Variants in PIEZO2 observed in about 807,000 individuals in gnomAD.
The protein encoded by PIEZO2 is piezo-type mechanosensitive ion channel component 2.
In PIEZO2, 172 loss-of-function variants were observed where a neutral mutation model predicts 337.3. That is an observed-to-expected ratio of 0.51 (90% CI 0.45 to 0.58). The LOEUF (loss-of-function observed/expected upper bound fraction) is 0.58. PIEZO2 is among the 20% of genes least tolerant of loss of function. PIEZO2 has a pLI of 0.00. For missense variants in PIEZO2, 3,028 were observed against 3,391.3 expected, an observed-to-expected ratio of 0.89 and a Z score of 2.66; for synonymous variants, 1,251 against 1,228.5, an observed-to-expected ratio of 1.02 and a Z score of -0.38.
chr18:11,124,541 T>C (rs1205121036), intron 1 of PIEZO2, among the ~76,000 whole-genome samples: 1 of 152,190 alleles, frequency 6.6e-6, no homozygotes, highest in Non-Finnish European at 1.5e-5. Context: ...CCTTTGCAGT[T>C]AAAGCTAAGG....
chr18:11,074,653 C>A (rs2145953357), intron 1 of PIEZO2, among the ~76,000 whole-genome samples: 1 of 152,242 alleles, frequency 6.6e-6, no homozygotes, highest in African/African-American at 2.4e-5. Context: ...TTGGAAAAAA[C>A]TCAAGAAGTA....
rs2039421749 is a variant in PIEZO2 at position 11,101,621 on chromosome 18, C to T, written c.65-35399G>A. Among the ~76,000 whole-genome samples, 1 of 152,222 alleles carries T rather than the reference C, an allele frequency of 6.6e-6. No homozygotes were observed. Among genetic ancestry groups the T allele is most frequent in the South Asian group, 2.1e-4 (1 of 4,830 alleles). On this transcript the variant is annotated intron_variant, in intron 1 of 55. Transcript: ENST00000674853. This position sits in a 1 kb window ranked among gnomAD's most constrained non-coding sequence, Gnocchi z 4.4. The stretch of plus-strand genomic sequence containing the variant: ...GAAAACATGACATTTTCCCCCATGA[C>T]ATTCTATTTCTCAAACCTGTCAATT...
rs1467851881 is a variant in PIEZO2 at position 11,110,918 on chromosome 18, G to C, written c.64+37607C>G. Among the ~76,000 whole-genome samples, 1 of 152,190 alleles carries C rather than the reference G, an allele frequency of 6.6e-6. No individual in the cohort carries two copies. Among genetic ancestry groups the C allele is most frequent in the African/African-American group, 2.4e-5 (1 of 41,448 alleles). On this transcript the variant is annotated intron_variant, in intron 1 of 55. Transcript: ENST00000674853. The surrounding 1 kb of genome is among the most constrained non-coding windows in gnomAD (Gnocchi z 4.2). ...CTGCTCCACACACGAGGTGAGGCCA[G>C]GATGCTGTGCCCCGCAAGCTCCCCT... is the stretch of plus-strand genomic sequence containing the variant.
At chr18:10,754,922 C>T (rs4797481) in intron 27 of PIEZO2, among the ~76,000 whole-genome samples, 94,309 of 151,788 alleles carry the variant, frequency 0.62, 31,238 homozygotes, top group African/African-American at 0.86. Context: ...ATCTCTACAA[C>T]AGGGATAACC....
chr18:11,045,886 G>A (rs372287776), intron 2 of PIEZO2, among the ~76,000 whole-genome samples: 5 of 152,246 alleles, frequency 3.3e-5, no homozygotes, highest in East Asian at 3.9e-4. Context: ...TTTGCTTGCC[G>A]TTGTATGAAT....
In PIEZO2 at chr18:10,731,116, A is replaced by T. The variant is rs35914186; in HGVS notation, c.5029+291T>A. 0.82 allele frequency among the ~76,000 whole-genome samples: 120,421 copies of T among 146,152 alleles called. 49,899 individuals carry two copies. Among genetic ancestry groups the T allele is most frequent in the East Asian group, 0.9 (4,559 of 5,046 alleles). On this transcript the variant is annotated intron_variant, in intron 36 of 55. Transcript: ENST00000674853. ...ATTACTTAATATCCATGTAAGAAATAAGTTTTCTTCTACTTTTTTTGGGTT... is the reference window on the plus strand; with the variant it reads ...ATTACTTAATATCCATGTAAGAAATTAGTTTTCTTCTACTTTTTTTGGGTT...
intron 2 of PIEZO2, among the ~76,000 whole-genome samples, chr18:11,043,233 C>A (rs1420570160): frequency 8.5e-6 from 1 of 118,106 alleles, no homozygotes; most frequent in African/African-American, 3.4e-5. Context: ...AATATCTCCT[C>A]CCTTTAAACG....
intron 21 of PIEZO2, chr18:10,763,316 T>C: frequency 3.5e-6 from 2 of 566,302 alleles, no homozygotes; most frequent in Middle Eastern, 9.5e-4. Context: ...GACAGACATA[T>C]CATCAGGTGA....
At position 10,795,314 on chromosome 18, in the gene PIEZO2, ATATT is replaced by A. The variant is rs551695415; in HGVS notation, c.1528-316_1528-313del. On this transcript the variant is annotated intron_variant, in intron 12 of 55. Coordinates refer to ENST00000674853, the MANE Select transcript of PIEZO2 (RefSeq NM_001378183.1). This position sits in a 1 kb window ranked among gnomAD's most constrained non-coding sequence, Gnocchi z 4.4. ...GTTAAGTAGCAAAATGTGTATTCAAATATTTTATTTTATTTTATTTTATTTTATT... is the reference window on the plus strand; with the variant it reads ...GTTAAGTAGCAAAATGTGTATTCAAATTATTTTATTTTATTTTATTTTATT... 0.43 allele frequency among the ~76,000 whole-genome samples: 38,007 copies of A among 88,438 alleles called. 5,993 individuals carry two copies. The highest frequency in any genetic ancestry group is 0.51 in the East Asian group (1,708 of 3,320). 58.0% of individuals were successfully genotyped at this position (88,438 alleles called of 152,430 possible).
intron 2 of PIEZO2, among the ~76,000 whole-genome samples, chr18:11,018,326 A>G (rs1280841940): frequency 6.7e-6 from 1 of 148,662 alleles, no homozygotes; most frequent in Non-Finnish European, 1.5e-5. Context: ...TGCAAAGACC[A>G]TATTTCCAAA....
chr18:10,671,838 A>G (rs1387931589), intron 55 of PIEZO2, 59 bp from the exon 56 acceptor site: 1 of 1,411,866 alleles, frequency 7.1e-7, no homozygotes, highest in African/African-American at 1.5e-5. Context: ...AATAAAGAAA[A>G]GCATGTCTAA....
chr18:10,683,146 C>A (rs926460961), intron 49 of PIEZO2, among the ~76,000 whole-genome samples: 1 of 152,254 alleles, frequency 6.6e-6, no homozygotes, highest in Non-Finnish European at 1.5e-5. Flanking sequence ...CCCCACTCCC[C>A]GACTTGGCAA....
chr18:10,685,985 C>A (rs1403406778), intron 49 of PIEZO2, among the ~76,000 whole-genome samples: 2 of 152,176 alleles, frequency 1.3e-5, no homozygotes, highest in Admixed American at 1.3e-4. Context: ...AATCTCCAGA[C>A]CCCCATCAGA....
At chr18:10,708,232 A>C (rs2035667927) in intron 40 of PIEZO2, 43 bp downstream of exon 40, 1 of 152,326 alleles carries the variant, frequency 6.6e-6, no homozygotes, top group Admixed American at 6.6e-5. Context: ...GGGGGGGAAG[A>C]GGTGATTAAA....
At chr18:10,990,751 T>A (rs920355520) in intron 2 of PIEZO2, among the ~76,000 whole-genome samples, 60 of 150,986 alleles carry the variant, frequency 4.0e-4, no homozygotes, top group African/African-American at 1.4e-3. Context: ...TACATTATTT[T>A]TTTTTCTAAT....
At chr18:10,961,620 T>C (rs2033785128) in intron 3 of PIEZO2, among the ~76,000 whole-genome samples, 1 of 152,178 alleles carries the variant, frequency 6.6e-6, no homozygotes. Flanking sequence ...AAGAGTCAGC[T>C]TGTATAGAAT....
At chr18:11,117,210 C>T (rs911089610) in intron 1 of PIEZO2, among the ~76,000 whole-genome samples, 1 of 152,170 alleles carries the variant, frequency 6.6e-6, no homozygotes, top group South Asian at 2.1e-4. Context: ...ATCCTAAACA[C>T]GTTGATTTGC....
At chr18:11,057,987 G>A (rs2037791414) in intron 2 of PIEZO2, among the ~76,000 whole-genome samples, 1 of 152,216 alleles carries the variant, frequency 6.6e-6, no homozygotes, top group Non-Finnish European at 1.5e-5. Context: ...TCTTTGTCCT[G>A]TTGACGGCAC....
intron 3 of PIEZO2, among the ~76,000 whole-genome samples, chr18:10,932,214 G>A (rs527886777): frequency 9.9e-5 from 15 of 151,782 alleles, no homozygotes; most frequent in African/African-American, 3.6e-4. Flanking sequence ...TGGGCAACAT[G>A]ACAAAACCCC....
Sources: allele counts gnomAD v4.1 joint callset (sites outside exome capture counted in the v4.1 genomes callset), GRCh38; gene constraint gnomAD v4.1.1; non-coding constraint Gnocchi (gnomAD v3.1); transcripts MANE v1.5; gene names NCBI Gene and HGNC (gene_info 2026-07-23, HGNC 2026-07-21).